The following VPS72 variants were observed in gnomAD, a reference collection of about 807,000 sequenced individuals.
VPS72 encodes the protein vacuolar protein sorting-associated protein 72 homolog.
VPS72 carries 27 observed loss-of-function variants against 38.9 expected under a neutral mutation model. The observed-to-expected ratio is 0.69, with a 90% confidence interval of 0.51 to 0.96. VPS72 has a LOEUF of 0.96. Ranked by LOEUF, VPS72 falls within the 40% of genes least tolerant of loss-of-function variation. The pLI, the probability that VPS72 is intolerant of heterozygous loss-of-function variation, is 0.00. For synonymous variants in VPS72, 173 were observed against 186.3 expected (o/e 0.93, Z 0.58); for missense variants, 360 against 479.5 (o/e 0.75, Z 2.33).
chr1:151,189,863 G>C, intron 1 of VPS72, 142 bp downstream of exon 1: 1 of 913,588 alleles, frequency 1.1e-6, no homozygotes. Flanking sequence ...CTCGCCCCCC[G>C]GCTCCGATTC....
intron 4 of VPS72, among the ~76,000 whole-genome samples, chr1:151,179,704 C>A (rs1445796451): frequency 6.6e-6 from 1 of 150,878 alleles, no homozygotes; most frequent in African/African-American, 2.4e-5. Context: ...ACCAGCCTGA[C>A]CAACTTGGAG....
At position 151,190,137 on chromosome 1, in the gene VPS72, T is replaced by A; in HGVS notation, c.-16A>T. 6.2e-7 allele frequency: 1 copy of A among 1,611,028 alleles called. No homozygotes were observed. On this transcript the variant is annotated 5_prime_UTR_variant, in exon 1 of 6. Transcript: ENST00000368892. ...CCAAACTCATACCGCCTACCGAGAC[T>A]GCGCCGCCACCTGCAGCCCCTCACC...
Position 151,189,905 on chromosome 1 carries a change from C to A in VPS72, c.117+100G>T, listed in dbSNP as rs993022856. The A allele has an allele frequency of 3.7e-6, 5 of 1,363,856 alleles. No individual in the cohort carries two copies. The African/African-American group carries it at 4.3e-5, about 12-fold the overall frequency. 84.5% of individuals were successfully genotyped at this position (1,363,856 alleles called of 1,614,324 possible). On this transcript the variant is annotated intron_variant, in intron 1 of 5. Transcript: ENST00000368892. ...CCAACTCGAGTATCAGCTCCCAGAG[C>A]TCCTCTCTATTCCCCGCCCTCTTCT...
rs1176321552 is a variant in VPS72 at position 151,190,163 on chromosome 1, A to C, written c.-42T>G. 6.2e-7 allele frequency: 1 copy of C among 1,606,066 alleles called. No homozygotes were observed. Among genetic ancestry groups the C allele is most frequent in the Non-Finnish European group, 8.5e-7 (1 of 1,178,052 alleles). On this transcript the variant is annotated 5_prime_UTR_variant, in exon 1 of 6. Transcript: ENST00000368892. ...GCGCCGCCACCTGCAGCCCCTCACC[A>C]GCTCGGTTTTGGGAGCTCGACGCTC...
intron 1 of VPS72, among the ~76,000 whole-genome samples, chr1:151,187,262 C>G (rs1235814245): frequency 6.6e-6 from 1 of 152,130 alleles, no homozygotes; most frequent in African/African-American, 2.4e-5. Flanking sequence ...TGGCTGACAC[C>G]TCACATATGT....
chr1:151,184,624 C>T (rs1258745472), intron 3 of VPS72, 131 bp from the exon 4 acceptor site: 19 of 1,045,288 alleles, frequency 1.8e-5, no homozygotes, highest in South Asian at 1.1e-4. Flanking sequence ...CTCGCTCTGT[C>T]GCCCAGGCTG....
intron 5 of VPS72, 86 bp downstream of exon 5, chr1:151,177,915 A>C: frequency 6.8e-7 from 1 of 1,460,674 alleles, no homozygotes; most frequent in Non-Finnish European, 9.3e-7. Flanking sequence ...AGTGTTAAGG[A>C]GAGCTGTGTG....
chr1:151,186,521 T>C (rs1172544249), intron 1 of VPS72, among the ~76,000 whole-genome samples: 2 of 149,220 alleles, frequency 1.3e-5, no homozygotes, highest in Admixed American at 6.7e-5. Context: ...ATAGTGCCAC[T>C]GCACTCCAGC....
In VPS72 at chr1:151,176,868, C is replaced by T. The variant is rs771241913; in HGVS notation, c.871G>A (p.Val291Ile). The change falls in exon 6 of 6, where the codon GTC becomes ATC. Residue 291 changes from valine (V) to isoleucine (I), a missense_variant. Val to Ile is a conservative substitution (Grantham distance 29). Around this residue, in one of 2 missense-constraint regions of VPS72, gnomAD observed 294 missense variants for 356.3 expected, o/e 0.83. Coordinates refer to ENST00000368892, the MANE Select transcript of VPS72 (RefSeq NM_005997.3). ...GRPPKVPVREVCPVTHRPALY... is the reference protein window; with the variant it reads ...GRPPKVPVREICPVTHRPALY... The stretch of plus-strand genomic sequence containing the variant: ...GCTGGACGATGGGTCACTGGACAGA[C>T]CTCACGAACAGGGACTTTTGGGGGC... 2 of 1,614,112 alleles carry T rather than the reference C, an allele frequency of 1.2e-6. No individual in the cohort carries two copies. Among genetic ancestry groups the T allele is most frequent in the South Asian group, 2.2e-5 (2 of 91,076 alleles).
chr1:151,182,482 A>C (rs1684261351), intron 4 of VPS72, among the ~76,000 whole-genome samples: 1 of 152,220 alleles, frequency 6.6e-6, no homozygotes, highest in South Asian at 2.1e-4. Flanking sequence ...CATGAAAGAC[A>C]TAATTTCTAA....
intron 1 of VPS72, among the ~76,000 whole-genome samples, chr1:151,188,668 G>A (rs1423551558): frequency 6.6e-6 from 1 of 152,154 alleles, no homozygotes; most frequent in East Asian, 1.9e-4. Context: ...CTGCTCTGTG[G>A]ACTAACCTTT....
At chr1:151,180,545 C>A (rs1684216255) in intron 4 of VPS72, among the ~76,000 whole-genome samples, 1 of 151,970 alleles carries the variant, frequency 6.6e-6, no homozygotes, top group African/African-American at 2.4e-5. Context: ...TCAAGCAATT[C>A]TCCTGCCTCA....
intron 4 of VPS72, among the ~76,000 whole-genome samples, chr1:151,183,421 CAAAAAAAAAAAAA>C (rs769884773): frequency 2.0e-5 from 1 of 50,860 alleles, no homozygotes; most frequent in Non-Finnish European, 3.4e-5. Context: ...GACTCTGTCT[CAAAAAAAAAAAAA>C]AAAAAAAAAA....
rs780353976 is a variant in VPS72, at chr1:151,184,542, TTTTA to T, written c.386-53_386-50del. 23 of 1,497,108 alleles carry T rather than the reference TTTTA, an allele frequency of 1.5e-5. No homozygotes were observed. The African/African-American group carries it at 2.1e-4, about 14-fold the overall frequency. The allele number at this position is 1,497,108 out of a possible 1,614,324, so 92.7% of individuals were successfully genotyped here. On this transcript the variant is annotated intron_variant, in intron 3 of 5. Coordinates refer to ENST00000368892, the MANE Select transcript of VPS72 (RefSeq NM_005997.3). ...AAATCTTTGAATTCATGTCCACATA[TTTTA>T]TTTATTTATTTTGAAATGTTGTACT...
chr1:151,185,971 G>A (rs1684339706), intron 1 of VPS72, 21 bp from the exon 2 acceptor site: 1 of 1,611,546 alleles, frequency 6.2e-7, no homozygotes, highest in Non-Finnish European at 8.5e-7. Context: ...AGGGAGATAA[G>A]GGTTGGCTGG....
intron 4 of VPS72, among the ~76,000 whole-genome samples, chr1:151,183,302 T>C (rs762121728): frequency 2.0e-5 from 3 of 149,028 alleles, no homozygotes; most frequent in Non-Finnish European, 4.4e-5. Flanking sequence ...CGGGCACCTG[T>C]AATCCCAGCT....
In VPS72 at chr1:151,184,439, C is replaced by T. The variant is rs774923978; in HGVS notation, c.440G>A (p.Arg147Gln). Residue 147 changes from arginine to glutamine, a missense_variant, in exon 4 of 6, where the codon CGG (arginine) becomes CAG (glutamine). This residue lies in a region of VPS72 where 294 missense variants were observed against 356.3 expected (regional missense o/e 0.83). Transcript: ENST00000368892. ...TAEHTRQTFL[R>Q]VQERQGQSRR... ...TGACTGGCCCTGCCTCTCCTGTACC[C>T]GAAGGAACGTTTGTCGTGTATGCTC... The T allele has an allele frequency of 5.6e-6, 9 of 1,613,942 alleles. No homozygotes were observed. The highest frequency in any genetic ancestry group is 1.1e-5 in the South Asian group (1 of 91,076).
At position 151,178,149 on chromosome 1, in the gene VPS72, T is replaced by C. The variant is rs778740703; in HGVS notation, c.563-4A>G. 11 of 1,613,426 alleles carry C rather than the reference T, an allele frequency of 6.8e-6. No homozygotes were observed. The highest frequency in any genetic ancestry group is 1.7e-5 in the Admixed American group (1 of 59,932). On this transcript the variant is annotated splice_region_variant and splice_polypyrimidine_tract_variant and intron_variant, in intron 4 of 5. Transcript: ENST00000368892. The stretch of plus-strand genomic sequence containing the variant: ...GCCTCGAGCCGCTCATATGTCTCTT[T>C]AGGGTCAAAGGAAGAAATGAGGGGA...
intron 4 of VPS72, among the ~76,000 whole-genome samples, chr1:151,181,604 C>T (rs1242898179): frequency 6.6e-6 from 1 of 152,106 alleles, no homozygotes; most frequent in Non-Finnish European, 1.5e-5. Context: ...ACTTCAGTCA[C>T]TCTCCTGTCA....
Sources: allele counts gnomAD v4.1 joint callset (sites outside exome capture counted in the v4.1 genomes callset), GRCh38; gene constraint gnomAD v4.1.1; regional missense constraint gnomAD v4.1.1; transcripts MANE v1.5; gene names NCBI Gene and HGNC (gene_info 2026-07-23, HGNC 2026-07-21).